The following GMDS variants were observed in gnomAD, a reference collection of about 807,000 sequenced individuals.
GMDS encodes GDP-mannose 4,6 dehydratase.
A neutral mutation model predicts 49.9 loss-of-function variants in GMDS; 20 were observed. That is an observed-to-expected ratio of 0.40 (90% CI 0.28 to 0.58). The LOEUF (loss-of-function observed/expected upper bound fraction) is 0.58. GMDS is among the 20% of genes least tolerant of loss of function. The probability of loss-of-function intolerance (pLI) is 0.42; values close to 1 mark genes in which losing one functional copy is unlikely to be tolerated. For missense variants in GMDS, 362 were observed against 481.4 expected (o/e 0.75, Z 2.32); for synonymous variants, 177 against 178.6 (o/e 0.99, Z 0.07).
At chr6:1,926,092 C>T (rs1282640586) in intron 7 of GMDS, among the ~76,000 whole-genome samples, 1 of 152,194 alleles carries the variant, frequency 6.6e-6, no homozygotes, top group Non-Finnish European at 1.5e-5. Flanking sequence ...CACCATCTCT[C>T]TTCTGGTTCC....
At chr6:2,230,532 T>C (rs1354574758) in intron 1 of GMDS, among the ~76,000 whole-genome samples, 1 of 152,204 alleles carries the variant, frequency 6.6e-6, no homozygotes, top group Non-Finnish European at 1.5e-5. Flanking sequence ...AATGAAATTT[T>C]CCATAGTAAC....
chr6:1,913,509 G>C (rs4959617), intron 7 of GMDS, among the ~76,000 whole-genome samples: 51,484 of 151,856 alleles, frequency 0.34, 8,991 homozygotes, highest in East Asian at 0.59. Flanking sequence ...GACATTTTTA[G>C]AAGTGAGTTT....
At chr6:1,938,979 CCTCCT>C (rs1259497724) in intron 6 of GMDS, among the ~76,000 whole-genome samples, 5 of 142,914 alleles carry the variant, frequency 3.5e-5, no homozygotes, top group African/African-American at 1.3e-4. Flanking sequence ...CCTCCCCTCC[CCTCCT>C]CTCTCCTCTC....
intron 7 of GMDS, among the ~76,000 whole-genome samples, chr6:1,913,806 T>G (rs1489700056): frequency 6.6e-6 from 1 of 151,966 alleles, no homozygotes; most frequent in Non-Finnish European, 1.5e-5. Context: ...GGGAAGCACT[T>G]TTTTTTCTTT....
At chr6:2,124,852 A>G in intron 1 of GMDS, 121 bp from the exon 2 acceptor site, 1 of 694,064 alleles carries the variant, frequency 1.4e-6, no homozygotes. Context: ...ATGGCAACCT[A>G]AAATAAAAAT....
intron 6 of GMDS, among the ~76,000 whole-genome samples, chr6:1,953,876 A>G (rs1763492958): frequency 6.6e-6 from 1 of 152,200 alleles, no homozygotes; most frequent in East Asian, 1.9e-4. Context: ...CTTATATAAT[A>G]ATTAATATCT....
At chr6:1,999,960 T>A (rs9784887) in intron 4 of GMDS, among the ~76,000 whole-genome samples, 13,782 of 23,384 alleles carry the variant, frequency 0.59, 4,084 homozygotes, top group Non-Finnish European at 0.63. Flanking sequence ...ATATGTATAT[T>A]ATATATATAT....
chr6:2,121,852 C>T (rs925071499), intron 2 of GMDS, among the ~76,000 whole-genome samples: 3 of 152,220 alleles, frequency 2.0e-5, no homozygotes, highest in African/African-American at 7.2e-5. Flanking sequence ...CCCTGCTCTC[C>T]TGCATGCTCC....
chr6:1,726,539 G>A, intron 8 of GMDS, 27 bp from the exon 9 acceptor site: 1 of 1,501,124 alleles, frequency 6.7e-7, no homozygotes, highest in Non-Finnish European at 9.3e-7. Context: ...CACTGAATCA[G>A]CTCCTAATTG....
At chr6:2,079,209 C>T (rs1363494952) in intron 4 of GMDS, among the ~76,000 whole-genome samples, 1 of 151,600 alleles carries the variant, frequency 6.6e-6, no homozygotes, top group Non-Finnish European at 1.5e-5. Flanking sequence ...ATAGCTGGAT[C>T]TTAATTTTTA....
At chr6:1,742,337 T>A in intron 8 of GMDS, 131 bp downstream of exon 8, 1 of 627,804 alleles carries the variant, frequency 1.6e-6, no homozygotes, top group South Asian at 1.9e-5. Context: ...GGCCCCACTC[T>A]ACACTGAAAC....
At chr6:1,830,076 T>C (rs1771290881) in intron 7 of GMDS, among the ~76,000 whole-genome samples, 1 of 152,204 alleles carries the variant, frequency 6.6e-6, no homozygotes, top group Non-Finnish European at 1.5e-5. Flanking sequence ...CTTTTTTATT[T>C]AAATTTAAAT....
chr6:2,036,509 C>T (rs1769314382), intron 4 of GMDS, among the ~76,000 whole-genome samples: 1 of 152,156 alleles, frequency 6.6e-6, no homozygotes, highest in South Asian at 2.1e-4. Context: ...TCACTTAGTA[C>T]ATCAACTGTT....
At chr6:1,831,674 T>A (rs1581233766) in intron 7 of GMDS, among the ~76,000 whole-genome samples, 1 of 152,190 alleles carries the variant, frequency 6.6e-6, no homozygotes, top group Non-Finnish European at 1.5e-5. Flanking sequence ...TTTTATAAAA[T>A]CTTGAAAATT....
intron 4 of GMDS, among the ~76,000 whole-genome samples, chr6:2,051,530 T>C (rs545718679): frequency 4.3e-4 from 66 of 152,230 alleles, no homozygotes; most frequent in Non-Finnish European, 3.2e-4. Flanking sequence ...GCTTATTATA[T>C]ATAACTGGCT....
intron 1 of GMDS, among the ~76,000 whole-genome samples, chr6:2,194,663 T>C (rs1779206303): frequency 6.6e-6 from 1 of 152,364 alleles, no homozygotes; most frequent in African/African-American, 2.4e-5. Context: ...CACACACTTT[T>C]TGGTTATTTT....
chr6:2,129,387 C>T (rs983543146), intron 1 of GMDS, among the ~76,000 whole-genome samples: 5 of 152,114 alleles, frequency 3.3e-5, no homozygotes, highest in African/African-American at 9.7e-5. Flanking sequence ...GACAGACAAA[C>T]GAAAAGGGAA....
At chr6:1,715,830 G>T (rs1766156121) in intron 9 of GMDS, among the ~76,000 whole-genome samples, 1 of 152,204 alleles carries the variant, frequency 6.6e-6, no homozygotes, top group Non-Finnish European at 1.5e-5. Context: ...TTCAATAAGG[G>T]ACTATAGTAC....
intron 1 of GMDS, among the ~76,000 whole-genome samples, chr6:2,141,002 T>C (rs751015160): frequency 6.6e-6 from 1 of 152,134 alleles, no homozygotes; most frequent in East Asian, 1.9e-4. Context: ...GGCTTCACAG[T>C]GTGACGAGTG....
Sources: allele counts gnomAD v4.1 joint callset (sites outside exome capture counted in the v4.1 genomes callset), GRCh38; gene constraint gnomAD v4.1.1; transcripts MANE v1.5; gene names NCBI Gene and HGNC (gene_info 2026-07-23, HGNC 2026-07-21).